The following SSX2IP variants were observed in gnomAD, a reference collection of about 807,000 sequenced individuals.
SSX2IP encodes SSX family member 2 interacting protein.
Under a neutral mutation model 84.9 loss-of-function variants are expected in SSX2IP, and 55 were observed. That is an observed-to-expected ratio of 0.65 (90% confidence interval 0.52 to 0.81). SSX2IP has a LOEUF of 0.81. SSX2IP is among the 30% of genes least tolerant of loss of function. The pLI is 0.00. For synonymous variants in SSX2IP, 239 were observed against 234.7 expected (o/e 1.02, Z -0.17); for missense variants, 664 against 705.2 (o/e 0.94, Z 0.66).
intron 11 of SSX2IP, among the ~76,000 whole-genome samples, chr1:84,653,968 A>G (rs1324580982): frequency 6.6e-6 from 1 of 152,180 alleles, no homozygotes; most frequent in Non-Finnish European, 1.5e-5. Context: ...TTCTGAAGCA[A>G]AGACTCAGTG....
chr1:84,662,098 C>G, intron 8 of SSX2IP, 100 bp downstream of exon 8: 1 of 764,620 alleles, frequency 1.3e-6, no homozygotes, highest in Admixed American at 2.6e-5. Flanking sequence ...GTGTCCTATT[C>G]AAAATACCAA....
chr1:84,652,933 G>C (rs1263980435), intron 11 of SSX2IP, among the ~76,000 whole-genome samples: 2 of 152,066 alleles, frequency 1.3e-5, no homozygotes, highest in East Asian at 3.9e-4. Context: ...TCAGGAGGCT[G>C]AGGCAGGAGA....
intron 6 of SSX2IP, 93 bp downstream of exon 6, chr1:84,664,324 T>G (rs983387331): frequency 3.3e-6 from 4 of 1,224,420 alleles, no homozygotes; most frequent in Admixed American, 5.9e-5. Context: ...AAAATAACAT[T>G]TCGTGAGTTA....
At chr1:84,686,470 GTTT>G (rs1482106262) in intron 1 of SSX2IP, among the ~76,000 whole-genome samples, 10 of 152,330 alleles carry the variant, frequency 6.6e-5, no homozygotes, top group Non-Finnish European at 1.3e-4. Flanking sequence ...GTAAAACTGG[GTTT>G]GGGCAAATGT....
In SSX2IP at chr1:84,666,208, C is replaced by T; in HGVS notation, c.451G>A (p.Glu151Lys). The T allele has an allele frequency of 6.2e-7, 1 of 1,612,270 alleles. No homozygotes were observed. Among genetic ancestry groups the T allele is most frequent in the Non-Finnish European group, 8.5e-7 (1 of 1,179,154 alleles). The change falls in exon 5 of 14, where the codon GAA becomes AAA. Residue 151 changes from glutamate (E) to lysine (K), a missense_variant. Glu to Lys is a moderately conservative substitution (Grantham distance 56). Transcript: ENST00000342203. ...LKEQLETSRR[E>K]MIGLQERDRQ... ...TCTCTTTCCTGAAGCCCAATCATTT[C>T]CCTCCTGGAGGTTTCCAGTTGTTCC...
chr1:84,678,865 AGAAG>A lies in SSX2IP; in HGVS notation c.-89-7561_-89-7558del, dbSNP rs1261473866. Among the ~76,000 whole-genome samples the A allele has an allele frequency of 5.6e-4, 86 of 152,350 alleles. No individual in the cohort carries two copies. The Middle Eastern group carries it at 0.01, about 18-fold the overall frequency. On this transcript the variant is annotated intron_variant, in intron 1 of 13. Coordinates refer to ENST00000342203, the MANE Select transcript of SSX2IP (RefSeq NM_001166293.2). Reference sequence around the variant, plus strand: ...CAAGGTCACTTGAAAGTCAAACTTGAGAAGGTACAATTGCCTACCTACTCAGAAT... The same window carrying A: ...CAAGGTCACTTGAAAGTCAAACTTGAGTACAATTGCCTACCTACTCAGAAT...
At chr1:84,663,107 T>C (rs1036380221) in intron 6 of SSX2IP, among the ~76,000 whole-genome samples, 1 of 152,172 alleles carries the variant, frequency 6.6e-6, no homozygotes, top group Non-Finnish European at 1.5e-5. Context: ...TGCCATGTCC[T>C]GTTAACATTA....
chr1:84,656,068 T>C (rs1374180296), intron 10 of SSX2IP, 63 bp from the exon 11 acceptor site: 9 of 1,441,602 alleles, frequency 6.2e-6, no homozygotes, highest in African/African-American at 1.4e-5. Context: ...CGAGTTGAAA[T>C]GAAAGCAAGG....
At chr1:84,649,758 C>T in intron 13 of SSX2IP, 1 of 321,052 alleles carries the variant, frequency 3.1e-6, no homozygotes, top group Non-Finnish European at 6.1e-6. Flanking sequence ...TTGGAATTGG[C>T]ACTGAAGCAG....
intron 4 of SSX2IP, among the ~76,000 whole-genome samples, chr1:84,669,214 CTA>C (rs1653180761): frequency 3.3e-5 from 5 of 151,196 alleles, no homozygotes; most frequent in Non-Finnish European, 5.9e-5. Context: ...AAGCATTTTT[CTA>C]TAGTCTTTTC....
intron 2 of SSX2IP, 36 bp from the exon 3 acceptor site, chr1:84,670,851 G>A: frequency 6.6e-7 from 1 of 1,521,172 alleles, no homozygotes. Context: ...AAATAATTTA[G>A]AAAAACGTAT....
At chr1:84,687,182 G>T (rs1004917556) in intron 1 of SSX2IP, among the ~76,000 whole-genome samples, 1 of 152,174 alleles carries the variant, frequency 6.6e-6, no homozygotes, top group Admixed American at 6.5e-5. Flanking sequence ...CAGGGCACAA[G>T]ATCACATAGC....
Position 84,649,666 on chromosome 1 carries a change from C to T in SSX2IP, c.1670+696G>A, listed in dbSNP as rs1649941189. The stretch of plus-strand genomic sequence containing the variant: ...AAGAGATTACCACCATACTTTCCAA[C>T]TTACCCCTCTGATCTTTTCTATTCC... On this transcript the variant is annotated intron_variant, in intron 13 of 13. Coordinates refer to ENST00000342203, the MANE Select transcript of SSX2IP (RefSeq NM_001166293.2). 3 of 239,614 alleles carry T rather than the reference C, an allele frequency of 1.3e-5. No individual in the cohort carries two copies. In the South Asian group the frequency reaches 1.5e-4, roughly 12 times the overall value. 14.8% of individuals were successfully genotyped at this position (239,614 alleles called of 1,614,324 possible).
intron 11 of SSX2IP, chr1:84,655,250 G>A: frequency 1.2e-6 from 1 of 856,884 alleles, no homozygotes; most frequent in Non-Finnish European, 1.4e-6. Context: ...GAATGAAACT[G>A]AGGATGAGAA....
intron 4 of SSX2IP, among the ~76,000 whole-genome samples, chr1:84,666,870 G>A (rs1310084820): frequency 1.3e-5 from 2 of 151,998 alleles, no homozygotes; most frequent in South Asian, 2.1e-4. Flanking sequence ...TTCTGCATGA[G>A]GCCACCCATA....
intron 8 of SSX2IP, among the ~76,000 whole-genome samples, chr1:84,661,701 A>T (rs1022719035): frequency 5.9e-5 from 9 of 152,246 alleles, no homozygotes; most frequent in African/African-American, 2.2e-4. Context: ...TCACTCTGTG[A>T]AAAGTAGAGT....
chr1:84,647,980 T>C (rs2994945), intron 13 of SSX2IP, among the ~76,000 whole-genome samples: 12,123 of 152,080 alleles, frequency 0.08, 725 homozygotes, highest in African/African-American at 0.17. Context: ...CCAATACTTA[T>C]AGTAATTCGG....
At chr1:84,649,384 T>C (rs1000622946) in intron 13 of SSX2IP, among the ~76,000 whole-genome samples, 3 of 152,212 alleles carry the variant, frequency 2.0e-5, no homozygotes, top group Admixed American at 2.0e-4. Context: ...CCTAGCTCTT[T>C]TTCATCCCCT....
At chr1:84,653,115 C>T (rs1650558025) in intron 11 of SSX2IP, among the ~76,000 whole-genome samples, 1 of 152,108 alleles carries the variant, frequency 6.6e-6, no homozygotes, top group African/African-American at 2.4e-5. Flanking sequence ...ATCTGTTTCA[C>T]CTAATAAACC....
Sources: gnomAD v4.1 joint callset for allele counts (sites outside exome capture counted in the v4.1 genomes callset) on GRCh38, gnomAD v4.1.1 for gene constraint, MANE v1.5 for transcripts, NCBI Gene and HGNC (gene_info 2026-07-23, HGNC 2026-07-21) for gene names.